Variants in FLRT2 observed in about 807,000 individuals in gnomAD.
FLRT2 encodes the protein leucine-rich repeat transmembrane protein FLRT2.
In FLRT2, 15 loss-of-function variants were observed where a neutral mutation model predicts 40.0. That is an observed-to-expected ratio of 0.38 (90% CI 0.25 to 0.58). FLRT2 has a LOEUF of 0.58. Among genes scored for constraint, FLRT2 ranks in the 20% least tolerant of loss-of-function variants. FLRT2 has a pLI of 0.71. For synonymous variants in FLRT2, 380 were observed against 336.8 expected, an observed-to-expected ratio of 1.13 and a Z score of -1.41; for missense variants, 726 against 840.0, an observed-to-expected ratio of 0.86 and a Z score of 1.68.
chr14:85,630,119 T>C lies in FLRT2; in HGVS notation c.*6622T>C, dbSNP rs1311166433. 1 of 151,098 alleles carries C rather than the reference T, an allele frequency of 6.6e-6. No individual in the cohort carries two copies. Among genetic ancestry groups the C allele is most frequent in the Non-Finnish European group, 1.5e-5 (1 of 67,760 alleles). The allele number at this position is 151,098 out of a possible 1,614,324, so 9.4% of individuals were successfully genotyped here. A position where few individuals can be genotyped will look rare whatever the true frequency, so the allele number is the denominator to read the frequency against. Reference sequence around the variant, plus strand: ...TAAACTGGCTTCTGAATTTATGCTCTTTTTTTTTCCCATAACATAGATAAA... The same window carrying C: ...TAAACTGGCTTCTGAATTTATGCTCCTTTTTTTTCCCATAACATAGATAAA... On this transcript the variant is annotated 3_prime_UTR_variant, in exon 2 of 2. Transcript: ENST00000330753.
rs559936208 is a variant in FLRT2 at position 85,645,040 on chromosome 14, C to T, written c.*21543C>T. On this transcript the variant is annotated 3_prime_UTR_variant, in exon 2 of 2. Coordinates refer to ENST00000330753, the MANE Select transcript of FLRT2 (RefSeq NM_013231.6). ...ATGCCGAAAGAGGCTCAACTGTTGG[C>T]TATTGGATCCCGAGTAGTAATGCAA... 1.3e-5 allele frequency: 2 copies of T among 152,128 alleles called. No individual in the cohort carries two copies. Among genetic ancestry groups the T allele is most frequent in the Non-Finnish European group, 2.9e-5 (2 of 68,008 alleles). The allele number at this position is 152,128 out of a possible 1,614,324, so 9.4% of individuals were successfully genotyped here.
chr14:85,582,748 T>C (rs1046182443), intron 1 of FLRT2, among the ~76,000 whole-genome samples: 5 of 152,238 alleles, frequency 3.3e-5, no homozygotes, highest in Non-Finnish European at 7.4e-5. Flanking sequence ...ATATAGTCCT[T>C]GTATGGATTA....
intron 1 of FLRT2, among the ~76,000 whole-genome samples, chr14:85,587,526 C>T (rs926896466): frequency 2.6e-5 from 4 of 151,996 alleles, no homozygotes; most frequent in Non-Finnish European, 5.9e-5. Flanking sequence ...TTAACTGGAA[C>T]TTGATCTTCA....
chr14:85,616,799 T>C (rs1181760748), intron 1 of FLRT2, among the ~76,000 whole-genome samples: 1 of 152,174 alleles, frequency 6.6e-6, no homozygotes, highest in Non-Finnish European at 1.5e-5. Flanking sequence ...CACTTAACTT[T>C]TAAGCCTCAT....
At chr14:85,538,836 G>T (rs1888819695) in intron 1 of FLRT2, among the ~76,000 whole-genome samples, 1 of 152,234 alleles carries the variant, frequency 6.6e-6, no homozygotes, top group African/African-American at 2.4e-5. Flanking sequence ...CCTGAAATAG[G>T]TTCACATGCT....
At chr14:85,618,363 T>C (rs2139364221) in intron 1 of FLRT2, among the ~76,000 whole-genome samples, 1 of 152,354 alleles carries the variant, frequency 6.6e-6, no homozygotes, top group East Asian at 1.9e-4. Flanking sequence ...AAGATGCCAG[T>C]AGAATACTTA....
At chr14:85,605,488 T>A (rs866166847) in intron 1 of FLRT2, among the ~76,000 whole-genome samples, 7 of 152,258 alleles carry the variant, frequency 4.6e-5, no homozygotes, top group Admixed American at 2.0e-4. Flanking sequence ...TAATAACTTG[T>A]GGCTGGGCAC....
At chr14:85,612,243 C>T (rs116569900) in intron 1 of FLRT2, among the ~76,000 whole-genome samples, 5,140 of 151,772 alleles carry the variant, frequency 0.034, 295 homozygotes, top group African/African-American at 0.12. Context: ...CTGCCATGGC[C>T]TTCAATGAAA....
In FLRT2 at chr14:85,536,479, T is replaced by C. The variant is rs552645865; in HGVS notation, c.-377+5945T>C. ...AGGTCAAGGTGATGTAATATTTGTA[T>C]TCAGGTCAGACTTTTCTGGATAATC... On this transcript the variant is annotated intron_variant, in intron 1 of 1. Coordinates refer to ENST00000330753, the MANE Select transcript of FLRT2 (RefSeq NM_013231.6). Among the ~76,000 whole-genome samples, 396 of 152,340 alleles carry C rather than the reference T, an allele frequency of 2.6e-3. 1 individual carries two copies. The highest frequency in any genetic ancestry group is 9.3e-3 in the African/African-American group (388 of 41,578).
At chr14:85,611,481 G>C (rs1478691848) in intron 1 of FLRT2, among the ~76,000 whole-genome samples, 2 of 152,186 alleles carry the variant, frequency 1.3e-5, no homozygotes, top group African/African-American at 4.8e-5. Context: ...TTGAGGAAAT[G>C]GAGGCTCATC....
intron 1 of FLRT2, among the ~76,000 whole-genome samples, chr14:85,545,701 A>G (rs978936431): frequency 1.3e-5 from 2 of 152,252 alleles, no homozygotes; most frequent in Non-Finnish European, 2.9e-5. Context: ...AAAACAAAGC[A>G]TGACAACTTC....
intron 1 of FLRT2, among the ~76,000 whole-genome samples, chr14:85,544,000 C>T (rs537630609): frequency 2.5e-4 from 38 of 152,186 alleles, no homozygotes; most frequent in Non-Finnish European, 4.6e-4. Flanking sequence ...CCCAGTGTAC[C>T]GCATTCTGCA....
rs924063946 is a variant in FLRT2, at chr14:85,642,464, A to G, written c.*18967A>G. Reference sequence around the variant, plus strand: ...TAAAATAGCTTGTTCTGATCACCTCACTGCCTCCAAGTCTAGAGTTAGAGC... The same window carrying G: ...TAAAATAGCTTGTTCTGATCACCTCGCTGCCTCCAAGTCTAGAGTTAGAGC... On this transcript the variant is annotated 3_prime_UTR_variant, in exon 2 of 2. Coordinates refer to ENST00000330753, the MANE Select transcript of FLRT2 (RefSeq NM_013231.6). 2 of 152,218 alleles carry G rather than the reference A, an allele frequency of 1.3e-5. No individual in the cohort carries two copies. Among genetic ancestry groups the G allele is most frequent in the Non-Finnish European group, 2.9e-5 (2 of 68,048 alleles). 9.4% of individuals were successfully genotyped at this position (152,218 alleles called of 1,614,324 possible). A position where few individuals can be genotyped will look rare whatever the true frequency, so the allele number is the denominator to read the frequency against.
At chr14:85,562,009 T>C (rs1378408489) in intron 1 of FLRT2, among the ~76,000 whole-genome samples, 1 of 152,332 alleles carries the variant, frequency 6.6e-6, no homozygotes, top group East Asian at 1.9e-4. Context: ...TTTCTGTCCT[T>C]AAGCTTTCTT....
chr14:85,620,951 C>G (rs1352830313), intron 1 of FLRT2, among the ~76,000 whole-genome samples, 188 bp from the exon 2 acceptor site: 1 of 152,162 alleles, frequency 6.6e-6, no homozygotes, highest in Non-Finnish European at 1.5e-5. Flanking sequence ...TTTGAAGATA[C>G]TATATTAATT....
At chr14:85,587,775 AT>A (rs1187212797) in intron 1 of FLRT2, among the ~76,000 whole-genome samples, 2 of 152,274 alleles carry the variant, frequency 1.3e-5, no homozygotes, top group African/African-American at 4.8e-5. Flanking sequence ...ATATGAGAAT[AT>A]TTTTTAACAT....
At chr14:85,574,022 C>T (rs1425083075) in intron 1 of FLRT2, among the ~76,000 whole-genome samples, 3 of 152,092 alleles carry the variant, frequency 2.0e-5, no homozygotes, top group African/African-American at 7.2e-5. Context: ...GTGCTTGGCC[C>T]GTAAGAGGCC....
chr14:85,595,524 G>C (rs1892097282), intron 1 of FLRT2, among the ~76,000 whole-genome samples: 1 of 150,360 alleles, frequency 6.7e-6, no homozygotes, highest in African/African-American at 2.4e-5. Flanking sequence ...TACATTTCAA[G>C]TATATATATG....
intron 1 of FLRT2, among the ~76,000 whole-genome samples, chr14:85,580,697 A>G (rs1484317618): frequency 6.6e-6 from 1 of 152,190 alleles, no homozygotes; most frequent in African/African-American, 2.4e-5. Flanking sequence ...GAAAACAGTC[A>G]GCAGAAGCCA....
Sources: allele counts gnomAD v4.1 joint callset (sites outside exome capture counted in the v4.1 genomes callset), GRCh38; gene constraint gnomAD v4.1.1; transcripts MANE v1.5; gene names NCBI Gene and HGNC (gene_info 2026-07-23, HGNC 2026-07-21).